NELL1: variants seen among roughly 807,000 people sequenced by gnomAD.
NELL1 encodes the protein protein kinase C-binding protein NELL1.
A neutral mutation model predicts 107.4 loss-of-function variants in NELL1; 76 were observed. That is an observed-to-expected ratio of 0.71 (90% CI 0.59 to 0.86). The LOEUF (loss-of-function observed/expected upper bound fraction) is 0.86. Among genes scored for constraint, NELL1 ranks in the 40% least tolerant of loss-of-function variants. NELL1 has a pLI of 0.00. For missense variants in NELL1, 1,024 were observed against 1,005.5 expected (o/e 1.02, Z -0.25); for synonymous variants, 353 against 341.2 (o/e 1.03, Z -0.38).
chr11:21,322,130 T>C (rs1267810470), intron 14 of NELL1, among the ~76,000 whole-genome samples: 5 of 152,180 alleles, frequency 3.3e-5, no homozygotes, highest in Non-Finnish European at 7.4e-5. Flanking sequence ...TCTCCTGTTT[T>C]GCAATGACAG....
At chr11:20,979,605 G>C (rs1851708772) in intron 12 of NELL1, among the ~76,000 whole-genome samples, 4 of 152,124 alleles carry the variant, frequency 2.6e-5, no homozygotes, top group Admixed American at 2.6e-4. Context: ...TGCCTAATTG[G>C]AATTTTTGAG....
At chr11:21,562,265 CT>C (rs1309146809) in intron 17 of NELL1, among the ~76,000 whole-genome samples, 1 of 151,966 alleles carries the variant, frequency 6.6e-6, no homozygotes, top group African/African-American at 2.4e-5. Flanking sequence ...GTTTTGAATC[CT>C]GAAGTGTTTC....
chr11:21,437,797 A>G (rs1482557899), intron 15 of NELL1, among the ~76,000 whole-genome samples: 2 of 152,210 alleles, frequency 1.3e-5, no homozygotes. Context: ...TTACAAGTGA[A>G]GTGAGTTTCT....
intron 2 of NELL1, among the ~76,000 whole-genome samples, chr11:20,702,990 C>A (rs144997497): frequency 1.3e-5 from 2 of 152,000 alleles, no homozygotes; most frequent in African/African-American, 4.8e-5. Flanking sequence ...TGTGTCTCTG[C>A]CAGGCTTTGG....
chr11:21,183,090 A>G (rs1856862371), intron 13 of NELL1, among the ~76,000 whole-genome samples: 1 of 151,956 alleles, frequency 6.6e-6, no homozygotes, highest in African/African-American at 2.4e-5. Flanking sequence ...AGCACCACAA[A>G]GCTGGGATTG....
At chr11:20,780,506 A>C (rs2133979230) in intron 2 of NELL1, among the ~76,000 whole-genome samples, 1 of 152,350 alleles carries the variant, frequency 6.6e-6, no homozygotes, top group Non-Finnish European at 1.5e-5. Flanking sequence ...ATTGTGGATA[A>C]AACAATGGAT....
intron 14 of NELL1, among the ~76,000 whole-genome samples, chr11:21,286,120 T>C (rs1464877652): frequency 6.6e-6 from 1 of 152,224 alleles, no homozygotes. Context: ...ATAGAAAGTT[T>C]CTTACAGTTT....
chr11:21,491,422 C>G (rs1854807751), intron 15 of NELL1, among the ~76,000 whole-genome samples: 1 of 152,154 alleles, frequency 6.6e-6, no homozygotes, highest in Non-Finnish European at 1.5e-5. Context: ...ATATGGCTAG[C>G]CAGTTTTCCC....
At chr11:21,211,826 T>G (rs574342910) in intron 13 of NELL1, among the ~76,000 whole-genome samples, 234 of 152,114 alleles carry the variant, frequency 1.5e-3, no homozygotes, top group African/African-American at 5.3e-3. Flanking sequence ...TTTTTGTTTG[T>G]TTGGTTTTTT....
intron 7 of NELL1, among the ~76,000 whole-genome samples, chr11:20,922,999 G>A (rs1206599259): frequency 6.6e-6 from 1 of 152,070 alleles, no homozygotes; most frequent in Non-Finnish European, 1.5e-5. Flanking sequence ...TGGTTCCTTA[G>A]AGAAAATGGT....
intron 12 of NELL1, among the ~76,000 whole-genome samples, chr11:20,970,151 G>A (rs1002094589): frequency 6.6e-6 from 1 of 151,364 alleles, no homozygotes; most frequent in African/African-American, 2.4e-5. Flanking sequence ...CATAGTTTGT[G>A]TAGAGTCATT....
chr11:20,685,382 T>G (rs1231843431), intron 2 of NELL1, among the ~76,000 whole-genome samples: 1 of 152,132 alleles, frequency 6.6e-6, no homozygotes, highest in East Asian at 1.9e-4. Flanking sequence ...ATATTTCATG[T>G]GCTCAGTTGC....
intron 13 of NELL1, among the ~76,000 whole-genome samples, chr11:21,172,170 A>G (rs1856621508): frequency 1.3e-5 from 2 of 151,764 alleles, no homozygotes; most frequent in Admixed American, 6.5e-5. Flanking sequence ...TTAACATCTC[A>G]TCTGGCCTAT....
In NELL1 at chr11:21,310,023, C is replaced by T. The variant is rs77249381; in HGVS notation, c.1550-60830C>T. ...CAACTTCTTAGTCTTCACATAAAGG[C>T]ATTTCTACTTAATAGAATATGTAGG... On this transcript the variant is annotated intron_variant, in intron 14 of 19. Transcript: ENST00000357134. Among the ~76,000 whole-genome samples the T allele has an allele frequency of 8.2e-4, 124 of 152,124 alleles. No individual in the cohort carries two copies. The East Asian group carries it at 0.02, about 24-fold the overall frequency.
At chr11:21,335,074 T>C (rs1024395698) in intron 14 of NELL1, among the ~76,000 whole-genome samples, 2 of 151,896 alleles carry the variant, frequency 1.3e-5, no homozygotes, top group Non-Finnish European at 2.9e-5. Flanking sequence ...TCAAATTCAA[T>C]TAAGGAAAAA....
intron 15 of NELL1, among the ~76,000 whole-genome samples, chr11:21,518,139 G>GA (rs11351069): frequency 0.013 from 1,898 of 144,078 alleles, 48 homozygotes; most frequent in African/African-American, 0.046. Flanking sequence ...ACTCACTGAA[G>GA]AAAAAAAAAA....
In NELL1 at chr11:20,954,770, A is replaced by T. The variant is rs538855031; in HGVS notation, c.1172-5662A>T. 3.3e-5 allele frequency among the ~76,000 whole-genome samples: 5 copies of T among 152,320 alleles called. No homozygotes were observed. In the South Asian group the frequency reaches 1.0e-3, roughly 32 times the overall value. On this transcript the variant is annotated intron_variant, in intron 11 of 19. Transcript: ENST00000357134. ...TCAAAGTGGATTTGACCTGAAGGTG[A>T]GTTTGTCTCACCGGCCCTTCACTGT...
chr11:21,216,948 T>G (rs575867515), intron 13 of NELL1, among the ~76,000 whole-genome samples: 13 of 152,236 alleles, frequency 8.5e-5, no homozygotes, highest in African/African-American at 3.1e-4. Context: ...TGATATGGTT[T>G]GGCTGTTTTC....
rs542136623 is a variant in NELL1, at chr11:21,351,317, C to T, written c.1550-19536C>T. Among the ~76,000 whole-genome samples, 6 of 152,010 alleles carry T rather than the reference C, an allele frequency of 3.9e-5. No homozygotes were observed. The South Asian group carries it at 6.3e-4, about 16-fold the overall frequency. Reference sequence around the variant, plus strand: ...CAAGTCTGTGGTAATTTGGATATGGCGACTCTGGGAAGCTAATACAGGTCT... The same window carrying T: ...CAAGTCTGTGGTAATTTGGATATGGTGACTCTGGGAAGCTAATACAGGTCT... On this transcript the variant is annotated intron_variant, in intron 14 of 19. Transcript: ENST00000357134.
Sources: gnomAD v4.1 joint callset for allele counts (sites outside exome capture counted in the v4.1 genomes callset) on GRCh38, gnomAD v4.1.1 for gene constraint, MANE v1.5 for transcripts, NCBI Gene and HGNC (gene_info 2026-07-23, HGNC 2026-07-21) for gene names.